RXYLT1: variants seen among roughly 807,000 people sequenced by gnomAD.
RXYLT1 encodes the protein ribitol-5-phosphate xylosyltransferase 1.
A neutral mutation model predicts 43.5 loss-of-function variants in RXYLT1; 41 were observed. That is an observed-to-expected ratio of 0.94 (90% CI 0.73 to 1.22). The LOEUF is 1.22. Among genes scored for constraint, RXYLT1 ranks in the 50% most tolerant of loss-of-function variants. The pLI, the probability that RXYLT1 is intolerant of heterozygous loss-of-function variation, is 0.00. For synonymous variants in RXYLT1, 166 were observed against 194.4 expected, an observed-to-expected ratio of 0.85 and a Z score of 1.21; for missense variants, 514 against 532.0, an observed-to-expected ratio of 0.97 and a Z score of 0.33.
intron 2 of RXYLT1, among the ~76,000 whole-genome samples, chr12:63,782,935 TTCTA>T (rs1292258138): frequency 6.6e-6 from 1 of 152,194 alleles, no homozygotes; most frequent in Non-Finnish European, 1.5e-5. Flanking sequence ...CAGTTTTTCC[TTCTA>T]TCTCTTTTTT....
At chr12:63,807,586 C>G (rs1898329091) in intron 5 of RXYLT1, 4 of 151,566 alleles carry the variant, frequency 2.6e-5, no homozygotes, top group African/African-American at 9.7e-5. Context: ...TCTTTTGAGA[C>G]TGAGTTTCAC....
intron 2 of RXYLT1, chr12:63,782,529 T>C (rs771241639): frequency 6.6e-6 from 3 of 456,504 alleles, no homozygotes; most frequent in South Asian, 4.6e-5. Context: ...GACCTCTTGC[T>C]GTCTTTTTTA....
In RXYLT1 at chr12:63,780,031, C is replaced by T; in HGVS notation, c.71C>T (p.Ala24Val). 2 of 1,609,032 alleles carry T rather than the reference C, an allele frequency of 1.2e-6. No individual in the cohort carries two copies. Among genetic ancestry groups the T allele is most frequent in the Non-Finnish European group, 1.7e-6 (2 of 1,178,468 alleles). Residue 24 changes from alanine (A) to valine (V), a missense_variant, in exon 1 of 6, where the codon GCC becomes GTC. By Grantham distance (64) the Ala-to-Val change is moderately conservative (BLOSUM62 0). Transcript: ENST00000261234. ...ALYCLFSLYA[A>V]YHVFFGRRRQ... ...TACTGCCTATTCTCCCTCTACGCTGCCTACCACGTCTTCTTCGGGCGCCGC... is the reference window on the plus strand; with the variant it reads ...TACTGCCTATTCTCCCTCTACGCTGTCTACCACGTCTTCTTCGGGCGCCGC...
intron 3 of RXYLT1, among the ~76,000 whole-genome samples, chr12:63,788,359 T>C (rs1897851099): frequency 6.6e-6 from 1 of 152,206 alleles, no homozygotes. Context: ...CATTGACTTC[T>C]CTCTAGCTAT....
chr12:63,788,949 G>A (rs1376450865), intron 3 of RXYLT1, among the ~76,000 whole-genome samples: 1 of 152,028 alleles, frequency 6.6e-6, no homozygotes, highest in Non-Finnish European at 1.5e-5. Flanking sequence ...TTATTTTATT[G>A]TTGTTGTTCT....
intron 4 of RXYLT1, chr12:63,804,248 T>C (rs1592855351): frequency 6.6e-6 from 1 of 151,752 alleles, no homozygotes; most frequent in Admixed American, 6.6e-5. Context: ...CACCCCACAA[T>C]GTATAGGACA....
chr12:63,798,734 C>T (rs532862992), intron 3 of RXYLT1, among the ~76,000 whole-genome samples: 59 of 152,276 alleles, frequency 3.9e-4, no homozygotes, highest in Middle Eastern at 3.4e-3. Context: ...ATAAAATGCA[C>T]GCACTGCACA....
intron 3 of RXYLT1, among the ~76,000 whole-genome samples, chr12:63,788,164 C>T (rs1454643866): frequency 2.0e-5 from 3 of 152,162 alleles, no homozygotes; most frequent in Admixed American, 2.0e-4. Flanking sequence ...ATGCTGTGAA[C>T]AGATGTTGCT....
At chr12:63,791,108 A>G (rs991907180) in intron 3 of RXYLT1, among the ~76,000 whole-genome samples, 1 of 152,178 alleles carries the variant, frequency 6.6e-6, no homozygotes, top group African/African-American at 2.4e-5. Context: ...AATATGTTCA[A>G]TTAAGTTTTA....
At chr12:63,796,354 T>C (rs1011818949) in intron 3 of RXYLT1, among the ~76,000 whole-genome samples, 4 of 152,204 alleles carry the variant, frequency 2.6e-5, no homozygotes, top group Admixed American at 2.6e-4. Flanking sequence ...TTGGCTAAGG[T>C]GCAGTCTGCC....
chr12:63,800,612 T>G (rs1315651124), intron 3 of RXYLT1, among the ~76,000 whole-genome samples: 2 of 152,114 alleles, frequency 1.3e-5, no homozygotes, highest in African/African-American at 4.8e-5. Flanking sequence ...ATGAAAACTT[T>G]TTAAAAATAC....
chr12:63,808,875 C>G lies in RXYLT1; in HGVS notation c.1115C>G (p.Pro372Arg), dbSNP rs1898379659. Residue 372 changes from proline to arginine, a missense_variant, in exon 6 of 6, where the codon CCT becomes CGT. Pro to Arg is a moderately radical substitution (Grantham distance 103, BLOSUM62 -2). Coordinates refer to ENST00000261234, the MANE Select transcript of RXYLT1 (RefSeq NM_014254.3). The part of the protein sequence containing the change: ...CGNTSVHHGA[P>R]LQLLKSMGAP... ...AATACATCTGTGCACCACGGTGCTC[C>G]TCTGCAGTTACTCAAGTCCATGGGT... 1.2e-6 allele frequency: 2 copies of G among 1,614,030 alleles called. No homozygotes were observed. The highest frequency in any genetic ancestry group is 2.7e-5 in the African/African-American group (2 of 74,922).
At chr12:63,797,025 A>G (rs1898050114) in intron 3 of RXYLT1, among the ~76,000 whole-genome samples, 2 of 140,936 alleles carry the variant, frequency 1.4e-5, no homozygotes, top group Admixed American at 7.6e-5. Context: ...GAGCAGTGGC[A>G]CGATCTTGGC....
intron 5 of RXYLT1, chr12:63,807,903 G>A (rs989661088): frequency 1.3e-5 from 2 of 152,014 alleles, no homozygotes; most frequent in African/African-American, 4.8e-5. Flanking sequence ...TTCTACCCTT[G>A]CCCCTGTACA....
chr12:63,794,007 C>G (rs1046605781), intron 3 of RXYLT1, among the ~76,000 whole-genome samples: 1 of 152,188 alleles, frequency 6.6e-6, no homozygotes, highest in Non-Finnish European at 1.5e-5. Flanking sequence ...AAGTAGGCCT[C>G]AACTACCGAG....
At chr12:63,802,791 A>G (rs1402889604) in intron 4 of RXYLT1, among the ~76,000 whole-genome samples, 1 of 152,074 alleles carries the variant, frequency 6.6e-6, no homozygotes, top group Non-Finnish European at 1.5e-5. Context: ...ATACCGTACC[A>G]TTGTGTTTGA....
At position 63,780,019 on chromosome 12, in the gene RXYLT1, C is replaced by T. The variant is rs773907745; in HGVS notation, c.59C>T (p.Ser20Phe). 1.9e-6 allele frequency: 3 copies of T among 1,610,422 alleles called. No homozygotes were observed. Among genetic ancestry groups the T allele is most frequent in the Admixed American group, 1.7e-5 (1 of 59,878 alleles). Residue 20 changes from serine (S) to phenylalanine (F), a missense_variant, in exon 1 of 6, where the codon TCC becomes TTC. Ser to Phe is a radical substitution (Grantham distance 155). Transcript: ENST00000261234. ...CTTATCGCCCTGTACTGCCTATTCT[C>T]CCTCTACGCTGCCTACCACGTCTTC... The part of the protein sequence containing the change: ...SFLIALYCLF[S>F]LYAAYHVFFG...
rs115076664 is a variant in RXYLT1, at chr12:63,805,315, G to A, written c.825G>A (p.Thr275=). The A allele has an allele frequency of 4.4e-4, 713 of 1,613,318 alleles. 1 individual carries two copies. The African/African-American group carries it at 8.7e-3, about 20-fold the overall frequency. Reference sequence around the variant, plus strand: ...CATATTTATGTAATTTCTTAGGAACGATTTATGAAAATTCATCCAGACAGG... The same window carrying A: ...CATATTTATGTAATTTCTTAGGAACAATTTATGAAAATTCATCCAGACAGG... ...ERPYLCNFLG[T]IYENSSRQAL... is the part of the protein sequence containing the mutation. The change falls in exon 5 of 6, where the codon ACG becomes ACA. Residue 275 remains threonine (T), a synonymous_variant. Transcript: ENST00000261234.
chr12:63,807,432 G>A (rs1898323378), intron 5 of RXYLT1: 1 of 152,060 alleles, frequency 6.6e-6, no homozygotes, highest in South Asian at 2.1e-4. Context: ...TATTTCCCTT[G>A]TCCATATATT....
Sources: gnomAD v4.1 joint callset for allele counts (sites outside exome capture counted in the v4.1 genomes callset) on GRCh38, gnomAD v4.1.1 for gene constraint, MANE v1.5 for transcripts, NCBI Gene and HGNC (gene_info 2026-07-23, HGNC 2026-07-21) for gene names.